The following PXDNL variants were observed in gnomAD, a reference collection of about 807,000 sequenced individuals.
PXDNL encodes probable oxidoreductase PXDNL.
In PXDNL, 145 loss-of-function variants were observed where a neutral mutation model predicts 150.8. That is an observed-to-expected ratio of 0.96 (90% CI 0.84 to 1.10). PXDNL has a LOEUF of 1.10. PXDNL is among the 50% of genes least tolerant of loss of function. The probability of loss-of-function intolerance (pLI) is 0.00; values close to 1 mark genes in which losing one functional copy is unlikely to be tolerated. For synonymous variants in PXDNL, 757 were observed against 725.7 expected (o/e 1.04, Z -0.69); for missense variants, 2,087 against 1,873.9 (o/e 1.11, Z -2.10).
Position 51,335,288 on chromosome 8 carries a change from T to A in PXDNL, c.4146+4336A>T, listed in dbSNP as rs189333265. ...GTTTTTCTGGCGTCATGTACCATCT[T>A]TCCTGGATCTCTTTCCCTTTGTGGT... is the stretch of plus-strand genomic sequence containing the variant. On this transcript the variant is annotated intron_variant, in intron 21 of 22. Transcript: ENST00000356297. Among the ~76,000 whole-genome samples the A allele has an allele frequency of 1.1e-4, 16 of 152,280 alleles. 1 individual carries two copies. In the East Asian group the frequency reaches 2.9e-3, roughly 28 times the overall value.
intron 3 of PXDNL, among the ~76,000 whole-genome samples, chr8:51,564,492 G>A (rs9298455): frequency 0.21 from 32,126 of 151,216 alleles, 3,720 homozygotes; most frequent in African/African-American, 0.29. Context: ...TGCTCATTAG[G>A]GAGTTTTTCC....
At chr8:51,495,014 G>C (rs1262961989) in intron 5 of PXDNL, among the ~76,000 whole-genome samples, 2 of 152,184 alleles carry the variant, frequency 1.3e-5, no homozygotes, top group East Asian at 3.9e-4. Flanking sequence ...TTCCAAAATT[G>C]ACCACATAGT....
chr8:51,614,911 T>A (rs1265710594), intron 2 of PXDNL, among the ~76,000 whole-genome samples: 1 of 152,170 alleles, frequency 6.6e-6, no homozygotes, highest in Non-Finnish European at 1.5e-5. Context: ...AGTAAGTATA[T>A]AAGCAAATAA....
At chr8:51,533,435 G>A (rs952253073) in intron 4 of PXDNL, among the ~76,000 whole-genome samples, 13 of 150,626 alleles carry the variant, frequency 8.6e-5, no homozygotes, top group African/African-American at 3.0e-4. Flanking sequence ...ACAGTCATGA[G>A]CCACTGTGCC....
chr8:51,705,120 G>T (rs1366349170), intron 1 of PXDNL, among the ~76,000 whole-genome samples: 1 of 152,198 alleles, frequency 6.6e-6, no homozygotes, highest in African/African-American at 2.4e-5. Flanking sequence ...ACTGCCCGCT[G>T]GATCATCCTT....
chr8:51,374,836 A>G, intron 17 of PXDNL, 105 bp from the exon 18 acceptor site: 1 of 1,310,250 alleles, frequency 7.6e-7, no homozygotes, highest in South Asian at 1.4e-5. Flanking sequence ...ACACAAAAAA[A>G]GAAAAGTAGA....
intron 15 of PXDNL, 76 bp downstream of exon 15, chr8:51,413,074 G>T: frequency 1.1e-6 from 1 of 875,622 alleles, no homozygotes; most frequent in South Asian, 1.4e-5. Context: ...ACTATAATGT[G>T]ACTTATGGAG....
chr8:51,499,686 G>C lies in PXDNL; in HGVS notation c.452+13C>G. ...AAGCAGAAGCAAAGGACATCTAAAG[G>C]GTCAACACTTACAGTCGCTCTAATC... is the stretch of plus-strand genomic sequence containing the variant. On this transcript the variant is annotated intron_variant, in intron 5 of 22. Transcript: ENST00000356297. 6.3e-7 allele frequency: 1 copy of C among 1,579,498 alleles called. No individual in the cohort carries two copies. The highest frequency in any genetic ancestry group is 1.1e-5 in the South Asian group (1 of 90,318).
chr8:51,475,383 G>A (rs759496485), intron 6 of PXDNL, among the ~76,000 whole-genome samples: 35 of 151,912 alleles, frequency 2.3e-4, no homozygotes, highest in Admixed American at 3.9e-4. Flanking sequence ...CTGGAAAAGT[G>A]GTTTTCCCTT....
intron 17 of PXDNL, among the ~76,000 whole-genome samples, chr8:51,404,842 G>A (rs1054244353): frequency 4.6e-5 from 7 of 152,220 alleles, no homozygotes; most frequent in Non-Finnish European, 8.8e-5. Flanking sequence ...GCCCTTGGGC[G>A]GTCGATGGGA....
chr8:51,653,827 C>T (rs1386669324), intron 2 of PXDNL, among the ~76,000 whole-genome samples: 1 of 152,116 alleles, frequency 6.6e-6, no homozygotes, highest in Non-Finnish European at 1.5e-5. Context: ...AGAAGACAAA[C>T]ACGCCCACAT....
intron 12 of PXDNL, among the ~76,000 whole-genome samples, chr8:51,441,451 T>A (rs1280670346): frequency 1.3e-5 from 2 of 152,130 alleles, no homozygotes; most frequent in African/African-American, 2.4e-5. Flanking sequence ...GTCTGCTTGG[T>A]CAGTGGACTT....
chr8:51,535,593 G>T (rs1812053232), intron 4 of PXDNL, among the ~76,000 whole-genome samples: 2 of 131,470 alleles, frequency 1.5e-5, no homozygotes, highest in African/African-American at 6.3e-5. Flanking sequence ...AAGGCCGCAG[G>T]GTCCTCTGCC....
At chr8:51,660,021 C>T (rs1029729536) in intron 1 of PXDNL, among the ~76,000 whole-genome samples, 1 of 151,856 alleles carries the variant, frequency 6.6e-6, no homozygotes, top group African/African-American at 2.4e-5. Context: ...CCCTGAGTAG[C>T]TGGGATTGCA....
chr8:51,442,556 G>A (rs1809575767), intron 12 of PXDNL, among the ~76,000 whole-genome samples: 1 of 151,940 alleles, frequency 6.6e-6, no homozygotes, highest in East Asian at 1.9e-4. Context: ...GTTATGAAGA[G>A]TTTTTGATGA....
rs1377846237 is a variant in PXDNL at position 51,423,706 on chromosome 8, C to T, written c.1664G>A (p.Gly555Asp). 6.2e-7 allele frequency: 1 copy of T among 1,613,666 alleles called. No individual in the cohort carries two copies. Among genetic ancestry groups the T allele is most frequent in the Non-Finnish European group, 8.5e-7 (1 of 1,179,680 alleles). Residue 555 changes from glycine (G) to aspartate (D), a missense_variant, in exon 14 of 23, where the codon GGT becomes GAT. Transcript: ENST00000356297. ...GCCTTCATCATCCACATGGAATTTA[C>T]CACTCTCAGTAATCTGCACACCTTC... The part of the protein sequence containing the change: ...NKEGVQITES[G>D]KFHVDDEGTL...
At chr8:51,509,781 TAC>T (rs202120911) in intron 4 of PXDNL, among the ~76,000 whole-genome samples, 37 of 149,422 alleles carry the variant, frequency 2.5e-4, no homozygotes, top group East Asian at 5.9e-4. Flanking sequence ...CACAAATATA[TAC>T]ACACACACGT....
intron 8 of PXDNL, among the ~76,000 whole-genome samples, chr8:51,468,813 A>T (rs1261745512): frequency 6.6e-6 from 1 of 151,998 alleles, no homozygotes; most frequent in Admixed American, 6.6e-5. Context: ...CTCAAAAATG[A>T]GGCATGTAAA....
intron 17 of PXDNL, among the ~76,000 whole-genome samples, chr8:51,398,868 T>C (rs892571099): frequency 1.3e-5 from 2 of 152,246 alleles, no homozygotes; most frequent in Admixed American, 6.5e-5. Context: ...ATTATACATG[T>C]ATTTAACAAA....
Sources: allele counts gnomAD v4.1 joint callset (sites outside exome capture counted in the v4.1 genomes callset), GRCh38; gene constraint gnomAD v4.1.1; transcripts MANE v1.5; gene names NCBI Gene and HGNC (gene_info 2026-07-23, HGNC 2026-07-21).